RGS9: variants seen among roughly 807,000 people sequenced by gnomAD.
RGS9 encodes the protein regulator of G-protein signalling 9.
Under a neutral mutation model 102.0 loss-of-function variants are expected in RGS9, and 78 were observed. The ratio of observed to expected loss-of-function variants is 0.76; its 90% confidence interval spans 0.64 to 0.92. The LOEUF (loss-of-function observed/expected upper bound fraction) is 0.92, where lower values mean the gene tolerates loss of function less well. RGS9 is among the 40% of genes least tolerant of loss of function. The pLI is 0.00. For missense variants in RGS9, 833 were observed against 866.1 expected (o/e 0.96, Z 0.48); for synonymous variants, 353 against 318.6 (o/e 1.11, Z -1.15).
chr17:65,153,457 G>T lies in RGS9; in HGVS notation c.93G>T (p.Glu31Asp). The T allele has an allele frequency of 6.2e-7, 1 of 1,614,224 alleles. No homozygotes were observed. Among genetic ancestry groups the T allele is most frequent in the Non-Finnish European group, 8.5e-7 (1 of 1,180,036 alleles). ...EALVKDMQNP[E>D]TGVRMQNQRV... ...TCGTGAAGGACATGCAGAACCCAGA[G>T]ACAGGGGTCCGAATGCAGAACCAGA... Residue 31 changes from glutamate (E) to aspartate (D), a missense_variant, in exon 2 of 19, where the codon GAG becomes GAT. Physicochemically the swap from Glu to Asp is conservative, Grantham distance 45. This residue lies in a region of RGS9 where 328 missense variants were observed against 340.6 expected (regional missense o/e 0.96). Coordinates refer to ENST00000262406, the MANE Select transcript of RGS9 (RefSeq NM_003835.4).
At chr17:65,202,458 A>AGAGT (rs1912895708) in intron 14 of RGS9, among the ~76,000 whole-genome samples, 1 of 144,388 alleles carries the variant, frequency 6.9e-6, no homozygotes, top group African/African-American at 2.6e-5. Flanking sequence ...AGAGAGAGAG[A>AGAGT]GAGAGAGAGT....
intron 7 of RGS9, among the ~76,000 whole-genome samples, chr17:65,166,677 C>T (rs1911194271): frequency 2.0e-5 from 3 of 152,160 alleles, no homozygotes; most frequent in Non-Finnish European, 4.4e-5. Context: ...AGCAGAAGAG[C>T]AAAGCCGGAA....
At chr17:65,155,427 T>C (rs1598565753) in intron 2 of RGS9, among the ~76,000 whole-genome samples, 1 of 152,318 alleles carries the variant, frequency 6.6e-6, no homozygotes, top group East Asian at 1.9e-4. Flanking sequence ...AATGCATGAG[T>C]CACTTATTGT....
chr17:65,186,439 A>T (rs1359471175), intron 9 of RGS9, among the ~76,000 whole-genome samples: 2 of 151,990 alleles, frequency 1.3e-5, no homozygotes, highest in Non-Finnish European at 2.9e-5. Flanking sequence ...CTGACCTTAG[A>T]TGATCAGCCT....
intron 11 of RGS9, 67 bp downstream of exon 11, chr17:65,190,303 A>G: frequency 3.2e-6 from 4 of 1,248,234 alleles, no homozygotes; most frequent in Non-Finnish European, 3.5e-6. Context: ...GAACTTCTGC[A>G]AACTCGACAA....
chr17:65,225,195 C>A lies in RGS9; in HGVS notation c.1601C>A (p.Ser534Ter). The A allele has an allele frequency of 6.2e-7, 1 of 1,613,318 alleles. No homozygotes were observed. The change falls in exon 18 of 19, where the codon TCG becomes TAG. Residue 534 changes from serine (S) to a stop codon, truncating the protein, a stop_gained. Transcript: ENST00000262406. LOFTEE classifies it high-confidence loss of function. The stretch of plus-strand genomic sequence containing the variant: ...ATCAGAGTGGCCTTGGAGAGCTCAT[C>A]GGGCTTGGAGCAGAAAGGGGAGTGC... Reference protein sequence around the residue: ...SPIRVALESSSGLEQKGECSG... With the variant: ...SPIRVALESS
At chr17:65,201,133 T>A (rs1200620935) in intron 13 of RGS9, among the ~76,000 whole-genome samples, 47 of 140,172 alleles carry the variant, frequency 3.4e-4, no homozygotes, top group African/African-American at 1.3e-3. Context: ...ACACACACAC[T>A]TGCTCTCTCT....
chr17:65,140,736 G>A (rs957755519), intron 1 of RGS9, among the ~76,000 whole-genome samples: 7 of 152,166 alleles, frequency 4.6e-5, no homozygotes, highest in Non-Finnish European at 7.3e-5. Flanking sequence ...TTAGCAGGGC[G>A]TGGTGGTGAG....
At chr17:65,156,504 C>A (rs924666142) in intron 2 of RGS9, among the ~76,000 whole-genome samples, 3 of 152,188 alleles carry the variant, frequency 2.0e-5, no homozygotes, top group African/African-American at 7.2e-5. Context: ...CCTGGTCCTG[C>A]AACAACAGCA....
At chr17:65,156,635 A>G (rs1035858453) in intron 2 of RGS9, among the ~76,000 whole-genome samples, 3 of 152,226 alleles carry the variant, frequency 2.0e-5, no homozygotes, top group Non-Finnish European at 2.9e-5. Flanking sequence ...ACCGCGTGGT[A>G]CAGATGCTGG....
intron 7 of RGS9, among the ~76,000 whole-genome samples, chr17:65,165,401 T>A (rs893897473): frequency 6.6e-6 from 1 of 152,166 alleles, no homozygotes; most frequent in Non-Finnish European, 1.5e-5. Context: ...TTTTATGGCT[T>A]AAAGGCTGCC....
intron 15 of RGS9, among the ~76,000 whole-genome samples, chr17:65,204,686 C>T (rs974064716): frequency 7.9e-5 from 12 of 152,208 alleles, no homozygotes; most frequent in Non-Finnish European, 1.3e-4. Flanking sequence ...TGCATCCTTA[C>T]GGGCCCCACT....
At chr17:65,224,164 G>A (rs915055300) in intron 17 of RGS9, among the ~76,000 whole-genome samples, 3 of 152,232 alleles carry the variant, frequency 2.0e-5, no homozygotes, top group African/African-American at 7.2e-5. Context: ...AGTGGTGATA[G>A]CAGACAGGCT....
intron 8 of RGS9, among the ~76,000 whole-genome samples, 189 bp from the exon 9 acceptor site, chr17:65,177,543 G>T (rs1288754949): frequency 6.6e-6 from 1 of 152,192 alleles, no homozygotes; most frequent in Non-Finnish European, 1.5e-5. Flanking sequence ...GATACTGGGA[G>T]GCATAACAGC....
At chr17:65,140,817 G>A (rs1203179827) in intron 1 of RGS9, among the ~76,000 whole-genome samples, 1 of 151,898 alleles carries the variant, frequency 6.6e-6, no homozygotes, top group East Asian at 1.9e-4. Context: ...GGAGGTTGCA[G>A]TAACTGAGTT....
rs142928037 is a variant in RGS9 at position 65,166,975 on chromosome 17, G to A, written c.501-1225G>A. 6.6e-5 allele frequency among the ~76,000 whole-genome samples: 10 copies of A among 152,284 alleles called. No homozygotes were observed. In the East Asian group the frequency reaches 1.7e-3, roughly 26 times the overall value. On this transcript the variant is annotated intron_variant, in intron 7 of 18. Coordinates refer to ENST00000262406, the MANE Select transcript of RGS9 (RefSeq NM_003835.4). Reference sequence around the variant, plus strand: ...ACGTTAACGGGGAGATGAATTCGCCGACTCTGTCTTGCAGAGGGCGTGTGC... The same window carrying A: ...ACGTTAACGGGGAGATGAATTCGCCAACTCTGTCTTGCAGAGGGCGTGTGC...
At chr17:65,203,296 G>C (rs1912926762) in intron 14 of RGS9, among the ~76,000 whole-genome samples, 2 of 152,170 alleles carry the variant, frequency 1.3e-5, no homozygotes, top group South Asian at 2.1e-4. Context: ...GGGTGCAGTG[G>C]GGAGGGCTGT....
chr17:65,190,370 T>C, intron 11 of RGS9, 134 bp downstream of exon 11: 2 of 804,242 alleles, frequency 2.5e-6, no homozygotes, highest in South Asian at 2.7e-5. Flanking sequence ...AACCAGTCTC[T>C]TGGGGGCTTA....
chr17:65,213,732 A>T (rs1161674286), intron 17 of RGS9, among the ~76,000 whole-genome samples: 1 of 152,156 alleles, frequency 6.6e-6, no homozygotes, highest in Non-Finnish European at 1.5e-5. Context: ...GCTCTGTGTC[A>T]GGCTCATACG....
Sources: allele counts gnomAD v4.1 joint callset (sites outside exome capture counted in the v4.1 genomes callset), GRCh38; gene constraint gnomAD v4.1.1; regional missense constraint gnomAD v4.1.1; transcripts MANE v1.5; gene names NCBI Gene and HGNC (gene_info 2026-07-23, HGNC 2026-07-21).